Variants in RAP1GDS1 observed in about 807,000 individuals in gnomAD.
The protein encoded by RAP1GDS1 is RAP1, GTP-GDP dissociation stimulator 1.
A neutral mutation model predicts 71.1 loss-of-function variants in RAP1GDS1; 35 were observed. The ratio of observed to expected loss-of-function variants is 0.49; its 90% CI spans 0.38 to 0.65. The LOEUF (loss-of-function observed/expected upper bound fraction) is 0.65, where lower values mean the gene tolerates loss of function less well. Ranked by LOEUF, RAP1GDS1 falls within the 30% of genes least tolerant of loss-of-function variation. The pLI, the probability that RAP1GDS1 is intolerant of heterozygous loss-of-function variation, is 0.00. For synonymous variants in RAP1GDS1, 229 were observed against 243.1 expected (o/e 0.94, Z 0.54); for missense variants, 663 against 706.1 (o/e 0.94, Z 0.69).
At chr4:98,416,983 A>C in intron 8 of RAP1GDS1, 95 bp downstream of exon 8, 2 of 1,367,712 alleles carry the variant, frequency 1.5e-6, no homozygotes. Context: ...ACATTTTCTC[A>C]TATTCCTATC....
chr4:98,337,241 T>C (rs1249301655), intron 2 of RAP1GDS1, among the ~76,000 whole-genome samples: 1 of 152,186 alleles, frequency 6.6e-6, no homozygotes, highest in African/African-American at 2.4e-5. Flanking sequence ...GCAGTTGCTT[T>C]TCTCTCATTT....
chr4:98,388,264 T>G (rs1353228200), intron 5 of RAP1GDS1, among the ~76,000 whole-genome samples: 1 of 152,162 alleles, frequency 6.6e-6, no homozygotes, highest in Non-Finnish European at 1.5e-5. Flanking sequence ...TGATGAGATG[T>G]TAGGAGCTTT....
chr4:98,336,506 A>G lies in RAP1GDS1; in HGVS notation c.113-6633A>G, dbSNP rs113687427. 4.1e-4 allele frequency among the ~76,000 whole-genome samples: 63 copies of G among 152,324 alleles called. 1 individual carries two copies. In the East Asian group the frequency reaches 0.011, roughly 28 times the overall value. On this transcript the variant is annotated intron_variant, in intron 2 of 14. Transcript: ENST00000408927. ...TCAAAATCATTTACTGTAATTTTAT[A>G]AAATGAGTCTCACAACTTAGTTTTT...
At chr4:98,261,625 C>T in intron 1 of RAP1GDS1, 56 bp downstream of exon 1, 1 of 1,566,456 alleles carries the variant, frequency 6.4e-7, no homozygotes, top group Non-Finnish European at 8.7e-7. Flanking sequence ...TCTCGGCGTG[C>T]TGCAGGGTGG....
At chr4:98,340,521 G>T (rs1215599996) in intron 2 of RAP1GDS1, among the ~76,000 whole-genome samples, 8 of 152,052 alleles carry the variant, frequency 5.3e-5, no homozygotes, top group Non-Finnish European at 1.5e-5. Context: ...ATCACTTGAG[G>T]CAGATCACTT....
intron 2 of RAP1GDS1, among the ~76,000 whole-genome samples, chr4:98,310,816 A>G (rs1730115770): frequency 6.6e-6 from 1 of 152,154 alleles, no homozygotes; most frequent in South Asian, 2.1e-4. Context: ...TGCTAAAAAA[A>G]AAAGATTTAA....
intron 1 of RAP1GDS1, among the ~76,000 whole-genome samples, chr4:98,279,642 G>A (rs1724761235): frequency 1.3e-5 from 2 of 151,674 alleles, no homozygotes; most frequent in Admixed American, 6.6e-5. Flanking sequence ...TAAGTCCTGG[G>A]GTACATGTGC....
intron 12 of RAP1GDS1, among the ~76,000 whole-genome samples, chr4:98,429,135 G>A (rs1290058625): frequency 6.6e-6 from 1 of 152,058 alleles, no homozygotes; most frequent in Non-Finnish European, 1.5e-5. Context: ...GCGGGCGCCT[G>A]TAGTCCCAGC....
At chr4:98,284,402 G>T (rs1725669135) in intron 1 of RAP1GDS1, among the ~76,000 whole-genome samples, 2 of 152,022 alleles carry the variant, frequency 1.3e-5, no homozygotes, top group Non-Finnish European at 2.9e-5. Flanking sequence ...CATTTCCAAA[G>T]CTAAAAATAT....
At chr4:98,382,623 G>A (rs1208019942) in intron 5 of RAP1GDS1, among the ~76,000 whole-genome samples, 1 of 151,508 alleles carries the variant, frequency 6.6e-6, no homozygotes, top group African/African-American at 2.4e-5. Context: ...GTTACCCAAT[G>A]CCAAAACATT....
In RAP1GDS1 at chr4:98,376,438, T is replaced by C. The variant is rs548365990; in HGVS notation, c.362-2579T>C. On this transcript the variant is annotated intron_variant, in intron 4 of 14. Coordinates refer to ENST00000408927, the MANE Select transcript of RAP1GDS1 (RefSeq NM_001100427.2). Reference sequence around the variant, plus strand: ...CAATTTATATGGACTTGTGCAATGATAGCTGTTGTATTTAAAATGATTTGT... The same window carrying C: ...CAATTTATATGGACTTGTGCAATGACAGCTGTTGTATTTAAAATGATTTGT... Among the ~76,000 whole-genome samples, 4 of 152,188 alleles carry C rather than the reference T, an allele frequency of 2.6e-5. No individual in the cohort carries two copies. The South Asian group carries it at 8.3e-4, about 31-fold the overall frequency.
At chr4:98,275,731 C>G (rs1724104360) in intron 1 of RAP1GDS1, among the ~76,000 whole-genome samples, 1 of 152,096 alleles carries the variant, frequency 6.6e-6, no homozygotes, top group Non-Finnish European at 1.5e-5. Flanking sequence ...AATTCCCTAT[C>G]TAAGTGAATG....
intron 2 of RAP1GDS1, among the ~76,000 whole-genome samples, chr4:98,328,014 G>A (rs923074737): frequency 2.6e-5 from 4 of 152,196 alleles, no homozygotes; most frequent in South Asian, 2.1e-4. Context: ...ATCCCAGTTT[G>A]CATAATGGTT....
chr4:98,276,288 G>A (rs1309427096), intron 1 of RAP1GDS1, among the ~76,000 whole-genome samples: 1 of 152,094 alleles, frequency 6.6e-6, no homozygotes, highest in Non-Finnish European at 1.5e-5. Flanking sequence ...TCCACATTGG[G>A]AGTAGGATTT....
intron 7 of RAP1GDS1, among the ~76,000 whole-genome samples, chr4:98,407,921 A>G (rs544258812): frequency 2.0e-5 from 3 of 152,246 alleles, no homozygotes; most frequent in South Asian, 2.1e-4. Context: ...TATAATTACT[A>G]CAGTTGAGTC....
At chr4:98,273,497 C>CT (rs754874265) in intron 1 of RAP1GDS1, among the ~76,000 whole-genome samples, 1 of 150,686 alleles carries the variant, frequency 6.6e-6, no homozygotes, top group Non-Finnish European at 1.5e-5. Flanking sequence ...GACTGGAGTT[C>CT]TTTTTTTTTA....
chr4:98,333,071 CTT>C (rs1734220791), intron 2 of RAP1GDS1, among the ~76,000 whole-genome samples: 1 of 152,052 alleles, frequency 6.6e-6, no homozygotes, highest in African/African-American at 2.4e-5. Context: ...AAATTATTCT[CTT>C]TTTCTTTTTA....
intron 3 of RAP1GDS1, among the ~76,000 whole-genome samples, chr4:98,346,298 A>G (rs1299786604): frequency 6.6e-6 from 1 of 152,186 alleles, no homozygotes; most frequent in African/African-American, 2.4e-5. Flanking sequence ...TGTACACCCA[A>G]GAGGACCTGG....
chr4:98,347,512 T>C (rs1426663656), intron 3 of RAP1GDS1, among the ~76,000 whole-genome samples: 1 of 152,202 alleles, frequency 6.6e-6, no homozygotes, highest in Non-Finnish European at 1.5e-5. Flanking sequence ...AACCTATACA[T>C]GTTTTGCAAA....
Sources: gnomAD v4.1 joint callset for allele counts (sites outside exome capture counted in the v4.1 genomes callset) on GRCh38, gnomAD v4.1.1 for gene constraint, MANE v1.5 for transcripts, NCBI Gene and HGNC (gene_info 2026-07-23, HGNC 2026-07-21) for gene names.